OGFRL1: variants seen among roughly 807,000 people sequenced by gnomAD.
OGFRL1 encodes the protein opioid growth factor receptor like 1.
Under a neutral mutation model 32.4 loss-of-function variants are expected in OGFRL1, and 26 were observed. The observed-to-expected ratio is 0.80, with a 90% CI of 0.59 to 1.11. The LOEUF is 1.11. OGFRL1 is among the 50% of genes most tolerant of loss of function. The probability of loss-of-function intolerance (pLI) is 0.00; values close to 1 mark genes in which losing one functional copy is unlikely to be tolerated. For missense variants in OGFRL1, 521 were observed against 546.4 expected (o/e 0.95, Z 0.46); for synonymous variants, 211 against 201.2 (o/e 1.05, Z -0.41).
rs1365064626 is a variant in OGFRL1 at position 71,308,456 on chromosome 6, T to C, written c.*6407T>C. On this transcript the variant is annotated 3_prime_UTR_variant, in exon 7 of 7. Transcript: ENST00000370435. ...ATTTTGGAAACTATTGTGTCCCTTGTATTTTAAATATTTCAGGAAAATGCC... is the reference window on the plus strand; with the variant it reads ...ATTTTGGAAACTATTGTGTCCCTTGCATTTTAAATATTTCAGGAAAATGCC... 1 of 152,244 alleles carries C rather than the reference T, an allele frequency of 6.6e-6. No individual in the cohort carries two copies. The highest frequency in any genetic ancestry group is 1.5e-5 in the Non-Finnish European group (1 of 68,038). The allele number at this position is 152,244 out of a possible 1,614,324, so 9.4% of individuals were successfully genotyped here.
At chr6:71,289,836 A>C (rs1765992862) in intron 1 of OGFRL1, 1 of 983,116 alleles carries the variant, frequency 1.0e-6, no homozygotes. Context: ...AAGCCCCTTA[A>C]CCTCTGATGG....
rs1021294689 is a variant in OGFRL1 at position 71,288,878 on chromosome 6, C to A, written c.-59C>A. Reference sequence around the variant, plus strand: ...CCGCGGCCATGCCCGGGCCCTAGAGCGCCTGCCGCAGCTTGCGCCCCGCAG... The same window carrying A: ...CCGCGGCCATGCCCGGGCCCTAGAGAGCCTGCCGCAGCTTGCGCCCCGCAG... On this transcript the variant is annotated 5_prime_UTR_variant, in exon 1 of 7. Coordinates refer to ENST00000370435, the MANE Select transcript of OGFRL1 (RefSeq NM_024576.5). 1.6e-5 allele frequency: 19 copies of A among 1,178,546 alleles called. No individual in the cohort carries two copies. The highest frequency in any genetic ancestry group is 3.3e-5 in the African/African-American group (2 of 60,536). The allele number at this position is 1,178,546 out of a possible 1,614,324, so 73.0% of individuals were successfully genotyped here.
In OGFRL1 at chr6:71,289,129, C is replaced by G. The variant is rs1321280644; in HGVS notation, c.193C>G (p.Pro65Ala). 21 of 1,108,090 alleles carry G rather than the reference C, an allele frequency of 1.9e-5. No individual in the cohort carries two copies. Among genetic ancestry groups the G allele is most frequent in the Admixed American group, 5.1e-5 (1 of 19,598 alleles). 68.6% of individuals were successfully genotyped at this position (1,108,090 alleles called of 1,614,324 possible). ...EQAGGRPGAS[P>A]APDEDAEAAG... ...AGCCGGCGGGCGGCCCGGCGCCAGCCCCGCGCCGGACGAGGACGCCGAGGC... is the reference window on the plus strand; with the variant it reads ...AGCCGGCGGGCGGCCCGGCGCCAGCGCCGCGCCGGACGAGGACGCCGAGGC... The change falls in exon 1 of 7, where the codon CCC becomes GCC. Residue 65 changes from proline (P) to alanine (A), a missense_variant. By Grantham distance (27) the Pro-to-Ala change is conservative. Coordinates refer to ENST00000370435, the MANE Select transcript of OGFRL1 (RefSeq NM_024576.5).
intron 6 of OGFRL1, among the ~76,000 whole-genome samples, chr6:71,300,700 T>C (rs531084654): frequency 6.6e-6 from 1 of 152,288 alleles, no homozygotes; most frequent in Admixed American, 6.5e-5. Context: ...TGGGCACTTT[T>C]CCCCATTTTA....
Position 71,296,498 on chromosome 6 carries a change from T to C in OGFRL1, c.483T>C (p.Leu161=), listed in dbSNP as rs774095478. 8.1e-6 allele frequency: 13 copies of C among 1,607,730 alleles called. No individual in the cohort carries two copies. Among genetic ancestry groups the C allele is most frequent in the Non-Finnish European group, 1.1e-5 (13 of 1,177,188 alleles). ...LEHNHTYIQW[L]FPLREQGLNF... ...TTTATTTTTTTAAAATAAATAGGCT[T>C]TTCCCCCTGAGAGAACAAGGCTTGA... Residue 161 remains leucine, a synonymous_variant, in exon 5 of 7, where the codon CTT becomes CTC. Transcript: ENST00000370435.
chr6:71,290,482 ATCCAACTAACCAGG>A (rs1253197226), intron 1 of OGFRL1, among the ~76,000 whole-genome samples: 6 of 152,154 alleles, frequency 3.9e-5, no homozygotes, highest in African/African-American at 1.4e-4. Flanking sequence ...CTAAGATTCA[ATCCAACTAACCAGG>A]TCCATCTATA....
At chr6:71,295,993 G>A (rs1766195884) in intron 3 of OGFRL1, among the ~76,000 whole-genome samples, 1 of 152,088 alleles carries the variant, frequency 6.6e-6, no homozygotes, top group Non-Finnish European at 1.5e-5. Flanking sequence ...GCCATAGACA[G>A]TACATAAATG....
rs1766420205 is a variant in OGFRL1, at chr6:71,302,172, A to G, written c.*123A>G. On this transcript the variant is annotated 3_prime_UTR_variant, in exon 7 of 7. Coordinates refer to ENST00000370435, the MANE Select transcript of OGFRL1 (RefSeq NM_024576.5). Reference sequence around the variant, plus strand: ...GCCATCTGTTTGTGATTTCTGTCATAAGCATTTTGTTGTTTGTTTTTTTAT... The same window carrying G: ...GCCATCTGTTTGTGATTTCTGTCATGAGCATTTTGTTGTTTGTTTTTTTAT... The G allele has an allele frequency of 3.7e-6, 3 of 811,692 alleles. No homozygotes were observed. In the South Asian group the frequency reaches 8.5e-5, roughly 23 times the overall value. 50.3% of individuals were successfully genotyped at this position (811,692 alleles called of 1,614,324 possible).
intron 3 of OGFRL1, among the ~76,000 whole-genome samples, chr6:71,294,907 T>C (rs1285285283): frequency 6.6e-6 from 1 of 152,200 alleles, no homozygotes; most frequent in African/African-American, 2.4e-5. Flanking sequence ...AAAGCTATGA[T>C]AGTATTTAAC....
rs1766449408 is a variant in OGFRL1 at position 71,303,077 on chromosome 6, A to C, written c.*1028A>C. 1 of 152,174 alleles carries C rather than the reference A, an allele frequency of 6.6e-6. No individual in the cohort carries two copies. Among genetic ancestry groups the C allele is most frequent in the African/African-American group, 2.4e-5 (1 of 41,436 alleles). The allele number at this position is 152,174 out of a possible 1,614,324, so 9.4% of individuals were successfully genotyped here. On this transcript the variant is annotated 3_prime_UTR_variant, in exon 7 of 7. Transcript: ENST00000370435. ...ATTCAACCAACCGCAGATTGAAAAT[A>C]TTTGTTGGAAAAAATGGATGGTTAC...
Position 71,296,574 on chromosome 6 carries a change from C to G in OGFRL1, c.546+13C>G. 1 of 1,610,546 alleles carries G rather than the reference C, an allele frequency of 6.2e-7. No homozygotes were observed. On this transcript the variant is annotated intron_variant, in intron 5 of 6. Coordinates refer to ENST00000370435, the MANE Select transcript of OGFRL1 (RefSeq NM_024576.5). The stretch of plus-strand genomic sequence containing the variant: ...ATATGAAATTGAGGTAATGCAAGCT[C>G]ATTTCATTTTATACAGGGTGGCCAA...
chr6:71,306,111 A>G lies in OGFRL1; in HGVS notation c.*4062A>G, dbSNP rs1354367414. On this transcript the variant is annotated 3_prime_UTR_variant, in exon 7 of 7. Coordinates refer to ENST00000370435, the MANE Select transcript of OGFRL1 (RefSeq NM_024576.5). ...TTTGAAGATTTCTATTTTGTTTTCC[A>G]CTTAGGAAATTCCCCTCTCTCATTT... The G allele has an allele frequency of 6.6e-6, 1 of 152,110 alleles. No individual in the cohort carries two copies. Among genetic ancestry groups the G allele is most frequent in the Non-Finnish European group, 1.5e-5 (1 of 67,986 alleles). 9.4% of individuals were successfully genotyped at this position (152,110 alleles called of 1,614,324 possible). A position where few individuals can be genotyped will look rare whatever the true frequency, so the allele number is the denominator to read the frequency against.
intron 6 of OGFRL1, among the ~76,000 whole-genome samples, chr6:71,297,377 T>A (rs1221897511): frequency 6.6e-6 from 1 of 152,222 alleles, no homozygotes; most frequent in Non-Finnish European, 1.5e-5. Flanking sequence ...GTCCCAAAAC[T>A]TATGAAGAAC....
In OGFRL1 at chr6:71,289,141, G is replaced by T; in HGVS notation, c.205G>T (p.Glu69Ter). Residue 69 changes from glutamate (E) to a stop codon, truncating the protein, a stop_gained, in exon 1 of 7, where the codon GAG becomes TAG. Coordinates refer to ENST00000370435, the MANE Select transcript of OGFRL1 (RefSeq NM_024576.5). LOFTEE classifies it high-confidence loss of function. ...GCCCGGCGCCAGCCCCGCGCCGGAC[G>T]AGGACGCCGAGGCGGCGGGCGCCGA... is the stretch of plus-strand genomic sequence containing the variant. ...GRPGASPAPD[E>*]DAEAAGAEQG... 9.1e-7 allele frequency: 1 copy of T among 1,094,876 alleles called. No homozygotes were observed. Among genetic ancestry groups the T allele is most frequent in the Non-Finnish European group, 1.1e-6 (1 of 902,930 alleles). 67.8% of individuals were successfully genotyped at this position (1,094,876 alleles called of 1,614,324 possible).
chr6:71,289,206 G>T (rs1439201602), intron 1 of OGFRL1, 36 bp downstream of exon 1: 2 of 1,055,920 alleles, frequency 1.9e-6, no homozygotes, highest in Non-Finnish European at 2.3e-6. Context: ...GTCGGGCTGG[G>T]GCGCCCCGAC....
chr6:71,293,324 CAA>C lies in OGFRL1; in HGVS notation c.268_269del (p.Lys90GlufsTer27), dbSNP rs1436385657. On this transcript the variant is annotated frameshift_variant, in exon 2 of 7. Coordinates refer to ENST00000370435, the MANE Select transcript of OGFRL1 (RefSeq NM_024576.5). LOFTEE classifies it high-confidence loss of function. The stretch of plus-strand genomic sequence containing the variant: ...GATTCCACTGAAGCAACTGCCAAAC[CAA>C]AGAGAAGTTTTTATGCTGCCAGGGA... 1.2e-6 allele frequency: 2 copies of C among 1,613,588 alleles called. No individual in the cohort carries two copies. Among genetic ancestry groups the C allele is most frequent in the Non-Finnish European group, 1.7e-6 (2 of 1,179,838 alleles).
At position 71,301,648 on chromosome 6, in the gene OGFRL1, C is replaced by A. The variant is rs776080362; in HGVS notation, c.955C>A (p.Gln319Lys). 4 of 1,614,120 alleles carry A rather than the reference C, an allele frequency of 2.5e-6. No individual in the cohort carries two copies. Among genetic ancestry groups the A allele is most frequent in the Non-Finnish European group, 3.4e-6 (4 of 1,180,010 alleles). The change falls in exon 7 of 7, where the codon CAG (glutamine) becomes AAG (lysine). Residue 319 changes from glutamine (Q) to lysine (K), a missense_variant. Transcript: ENST00000370435. ...NFIWGPPRKE[Q>K]SEGSKAQKMS... ...TATCTGGGGACCGCCTCGAAAAGAA[C>A]AGTCGGAGGGAAGCAAAGCCCAGAA...
intron 1 of OGFRL1, 31 bp downstream of exon 1, chr6:71,289,201 G>A: frequency 1.9e-6 from 2 of 1,059,148 alleles, no homozygotes; most frequent in Non-Finnish European, 2.3e-6. Context: ...CTCGGGTCGG[G>A]CTGGGGCGCC....
rs1209130561 is a variant in OGFRL1, at chr6:71,288,830, T to G, written c.-107T>G. ...TGAGGCAGTGCGGGGCGGGCGCGCC[T>G]AGGCTGCCGCCCAGCGCCCTCGCCG... On this transcript the variant is annotated 5_prime_UTR_variant, in exon 1 of 7. Transcript: ENST00000370435. The G allele has an allele frequency of 1.2e-6, 1 of 828,746 alleles. No homozygotes were observed. Among genetic ancestry groups the G allele is most frequent in the Non-Finnish European group, 1.5e-6 (1 of 680,500 alleles). 51.3% of individuals were successfully genotyped at this position (828,746 alleles called of 1,614,324 possible).
Sources: allele counts gnomAD v4.1 joint callset (sites outside exome capture counted in the v4.1 genomes callset), GRCh38; gene constraint gnomAD v4.1.1; transcripts MANE v1.5; gene names NCBI Gene and HGNC (gene_info 2026-07-23, HGNC 2026-07-21).